Variants in C1QTNF3 observed in about 807,000 individuals in gnomAD.
C1QTNF3 encodes complement C1q tumor necrosis factor-related protein 3.
A neutral mutation model predicts 32.6 loss-of-function variants in C1QTNF3; 26 were observed. That is an observed-to-expected ratio of 0.80 (90% CI 0.58 to 1.11). The LOEUF is 1.11. Ranked by LOEUF, C1QTNF3 falls within the 50% of genes least tolerant of loss-of-function variation. C1QTNF3 has a pLI of 0.00. For synonymous variants in C1QTNF3, 155 were observed against 146.0 expected (o/e 1.06, Z -0.44); for missense variants, 362 against 398.2 (o/e 0.91, Z 0.77).
the C1QTNF3 span, among the ~76,000 whole-genome samples, chr5:34,126,908 G>A: frequency 6.6e-6 from 1 of 152,130 alleles, no homozygotes; most frequent in Non-Finnish European, 1.5e-5. Context: ...ATTGAATCAT[G>A]GGGGCGGACA....
At chr5:34,127,242 G>A in the C1QTNF3 span, among the ~76,000 whole-genome samples, 3 of 152,108 alleles carry the variant, frequency 2.0e-5, no homozygotes, top group East Asian at 3.9e-4. Context: ...ACTGGGTAAC[G>A]GGCAGAGGTT....
chr5:34,123,195 A>G, the C1QTNF3 span, among the ~76,000 whole-genome samples: 3 of 152,152 alleles, frequency 2.0e-5, no homozygotes, highest in African/African-American at 7.2e-5. Context: ...GAGAGCACCA[A>G]CTAAGGTAAT....
At chr5:34,028,025 T>G (rs983227695) in intron 4 of C1QTNF3, among the ~76,000 whole-genome samples, 7 of 151,952 alleles carry the variant, frequency 4.6e-5, no homozygotes, top group Admixed American at 1.3e-4. Context: ...CAGGCTGGAG[T>G]GCAGTCGCGC....
chr5:34,227,356 G>A, the C1QTNF3 span, among the ~76,000 whole-genome samples: 1 of 151,574 alleles, frequency 6.6e-6, no homozygotes, highest in African/African-American at 2.4e-5. Flanking sequence ...ACTTCAATTG[G>A]CTGCATGTAT....
At chr5:34,047,094 A>G (rs1057427086), upstream of C1QTNF3, among the ~76,000 whole-genome samples, 1 of 152,236 alleles carries the variant, frequency 6.6e-6, no homozygotes, top group African/African-American at 2.4e-5. Flanking sequence ...TATTAAAACC[A>G]TCTAGAATCT....
the C1QTNF3 span, among the ~76,000 whole-genome samples, chr5:34,197,797 T>C: frequency 1.3e-5 from 2 of 152,010 alleles, no homozygotes; most frequent in Non-Finnish European, 2.9e-5. Flanking sequence ...ATGTTTCTAA[T>C]GGTACCGGCG....
At chr5:34,083,094 C>A in the C1QTNF3 span, among the ~76,000 whole-genome samples, 1 of 150,768 alleles carries the variant, frequency 6.6e-6, no homozygotes, top group Non-Finnish European at 1.5e-5. Flanking sequence ...AGCATACATA[C>A]CTAATATACA....
the C1QTNF3 span, among the ~76,000 whole-genome samples, chr5:34,211,726 A>AT: frequency 6.6e-6 from 1 of 151,700 alleles, no homozygotes; most frequent in African/African-American, 2.4e-5. Flanking sequence ...TGAACTCATC[A>AT]TTTTTTATGG....
At chr5:34,027,866 A>G (rs1050537512) in intron 4 of C1QTNF3, among the ~76,000 whole-genome samples, 3 of 152,016 alleles carry the variant, frequency 2.0e-5, no homozygotes, top group African/African-American at 7.3e-5. Flanking sequence ...AGATTTCTAA[A>G]ATATATTGTT....
At chr5:34,021,344 G>C (rs1404322387) in intron 5 of C1QTNF3, among the ~76,000 whole-genome samples, 1 of 152,214 alleles carries the variant, frequency 6.6e-6, no homozygotes, top group African/African-American at 2.4e-5. Context: ...CAGATCTAAT[G>C]CCTGTAGGGT....
the C1QTNF3 span, among the ~76,000 whole-genome samples, chr5:34,156,930 T>A: frequency 6.6e-6 from 1 of 152,242 alleles, no homozygotes; most frequent in Non-Finnish European, 1.5e-5. Context: ...TTGTTCCTAG[T>A]CACAATTTCA....
At chr5:34,128,811 G>GAAACAA in the C1QTNF3 span, among the ~76,000 whole-genome samples, 1 of 152,174 alleles carries the variant, frequency 6.6e-6, no homozygotes, top group Non-Finnish European at 1.5e-5. Context: ...GAAGGGACTT[G>GAAACAA]TTTGTCTCAG....
chr5:34,103,844 A>T, the C1QTNF3 span, among the ~76,000 whole-genome samples: 3 of 152,046 alleles, frequency 2.0e-5, no homozygotes, highest in Admixed American at 2.0e-4. Context: ...AAGGTAGTCA[A>T]ATCACGTTTT....
At chr5:34,234,607 A>C in the C1QTNF3 span, among the ~76,000 whole-genome samples, 12 of 152,074 alleles carry the variant, frequency 7.9e-5, no homozygotes, top group African/African-American at 2.9e-4. Flanking sequence ...GTAAAATCTA[A>C]GTTACCATGG....
the C1QTNF3 span, among the ~76,000 whole-genome samples, chr5:34,113,720 T>C: frequency 1.3e-5 from 2 of 152,158 alleles, no homozygotes; most frequent in Non-Finnish European, 2.9e-5. Flanking sequence ...AGCAAACATA[T>C]ATTTCACTTC....
At chr5:34,197,005 T>A in the C1QTNF3 span, among the ~76,000 whole-genome samples, 1 of 152,424 alleles carries the variant, frequency 6.6e-6, no homozygotes, top group South Asian at 2.1e-4. Context: ...GGCTAGTGGC[T>A]AATGTATTGA....
At chr5:34,065,798 A>C in the C1QTNF3 span, among the ~76,000 whole-genome samples, 1 of 152,228 alleles carries the variant, frequency 6.6e-6, no homozygotes, top group African/African-American at 2.4e-5. Flanking sequence ...CAGAGAACTT[A>C]AAACAGAGCT....
At chr5:34,139,525 T>C in the C1QTNF3 span, among the ~76,000 whole-genome samples, 1 of 152,070 alleles carries the variant, frequency 6.6e-6, no homozygotes, top group African/African-American at 2.4e-5. Context: ...ATACAATCAA[T>C]TCAACTATCA....
chr5:34,114,180 TAA>T, the C1QTNF3 span, among the ~76,000 whole-genome samples: 13 of 152,216 alleles, frequency 8.5e-5, no homozygotes, highest in African/African-American at 2.9e-4. Flanking sequence ...AAATTATACC[TAA>T]GTTACACTGT....
Sources: allele counts gnomAD v4.1 joint callset (sites outside exome capture counted in the v4.1 genomes callset), GRCh38; gene constraint gnomAD v4.1.1; transcripts MANE v1.5; gene names NCBI Gene and HGNC (gene_info 2026-07-23, HGNC 2026-07-21).